Variants in MSRB3 observed in about 807,000 individuals in gnomAD.
MSRB3 encodes methionine-R-sulfoxide reductase B3.
A neutral mutation model predicts 21.0 loss-of-function variants in MSRB3; 13 were observed. The ratio of observed to expected loss-of-function variants is 0.62; its 90% CI spans 0.40 to 0.98. The LOEUF (loss-of-function observed/expected upper bound fraction) is 0.98, where lower values mean the gene tolerates loss of function less well. MSRB3 is among the 50% of genes least tolerant of loss of function. The pLI is 0.00. For synonymous variants in MSRB3, 87 were observed against 88.6 expected (o/e 0.98, Z 0.10); for missense variants, 199 against 230.3 (o/e 0.86, Z 0.88).
At chr12:65,440,456 A>C (rs1882319915) in intron 5 of MSRB3, among the ~76,000 whole-genome samples, 1 of 151,962 alleles carries the variant, frequency 6.6e-6, no homozygotes. Flanking sequence ...AAGAAAATTA[A>C]GAAGAAAACA....
chr12:65,322,345 T>C (rs943040314), intron 2 of MSRB3, among the ~76,000 whole-genome samples: 1 of 152,160 alleles, frequency 6.6e-6, no homozygotes, highest in Non-Finnish European at 1.5e-5. Context: ...GAAAAGTTGT[T>C]ACATAATTTT....
intron 5 of MSRB3, among the ~76,000 whole-genome samples, chr12:65,426,350 C>A (rs1365014689): frequency 6.6e-6 from 1 of 152,018 alleles, no homozygotes; most frequent in South Asian, 2.1e-4. Context: ...TCCCGTCCTC[C>A]CCCTGCACTT....
At chr12:65,284,783 CT>C (rs1872244061) in intron 1 of MSRB3, 1 of 152,250 alleles carries the variant, frequency 6.6e-6, no homozygotes, top group African/African-American at 2.4e-5. Flanking sequence ...TGTTCACGAG[CT>C]TTCCTTGTTG....
rs61921505 is a variant in MSRB3 at position 65,451,414 on chromosome 12, A to G, written c.293-2314A>G. 4.4e-3 allele frequency among the ~76,000 whole-genome samples: 670 copies of G among 152,242 alleles called. 4 individuals carry two copies. The highest frequency in any genetic ancestry group is 0.015 in the South Asian group (74 of 4,816). ...CTCCCTCATCCTGCTCTATTCTTCA[A>G]TATAGTTTTCTGGAAAATCCTGTGC... On this transcript the variant is annotated intron_variant, in intron 5 of 6. Coordinates refer to ENST00000308259, the MANE Select transcript of MSRB3 (RefSeq NM_001031679.3).
chr12:65,413,908 A>G (rs1880841502), intron 5 of MSRB3, among the ~76,000 whole-genome samples: 1 of 152,200 alleles, frequency 6.6e-6, no homozygotes, highest in Non-Finnish European at 1.5e-5. Context: ...TGCAGAAGAA[A>G]GGGAAGCTGA....
At chr12:65,406,369 A>G (rs1880413123) in intron 5 of MSRB3, among the ~76,000 whole-genome samples, 1 of 152,260 alleles carries the variant, frequency 6.6e-6, no homozygotes, top group East Asian at 1.9e-4. Flanking sequence ...TAAAATACTT[A>G]GGAATAAATT....
intron 6 of MSRB3, among the ~76,000 whole-genome samples, chr12:65,461,494 CAG>C (rs920604757): frequency 1.8e-4 from 27 of 152,190 alleles, no homozygotes; most frequent in African/African-American, 6.0e-4. Flanking sequence ...AATAAACTGA[CAG>C]AGTTTGCTGG....
At chr12:65,455,220 C>T (rs1883033636) in intron 6 of MSRB3, among the ~76,000 whole-genome samples, 1 of 148,962 alleles carries the variant, frequency 6.7e-6, no homozygotes, top group Non-Finnish European at 1.5e-5. Context: ...TGAACCTAAC[C>T]TTCTGATGAA....
intron 5 of MSRB3, among the ~76,000 whole-genome samples, chr12:65,393,843 T>A (rs1218056766): frequency 6.6e-6 from 1 of 152,104 alleles, no homozygotes. Context: ...TGGGTATGGA[T>A]GTGGGTACTT....
At chr12:65,403,608 A>G (rs894443305) in intron 5 of MSRB3, among the ~76,000 whole-genome samples, 3 of 151,934 alleles carry the variant, frequency 2.0e-5, no homozygotes, top group South Asian at 4.2e-4. Context: ...TTTCCAGGGG[A>G]CAGAACAGTT....
intron 5 of MSRB3, among the ~76,000 whole-genome samples, chr12:65,422,424 A>ATTTATT (rs1278669544): frequency 1.3e-5 from 1 of 75,636 alleles, no homozygotes; most frequent in Non-Finnish European, 2.7e-5. Flanking sequence ...ATATATATAT[A>ATTTATT]TATATATTTA....
At chr12:65,302,896 C>T (rs1873421532) in intron 1 of MSRB3, among the ~76,000 whole-genome samples, 1 of 152,122 alleles carries the variant, frequency 6.6e-6, no homozygotes, top group African/African-American at 2.4e-5. Flanking sequence ...AATGAAACTT[C>T]TCCCCCACAA....
chr12:65,314,421 A>T (rs1170681426), intron 2 of MSRB3, among the ~76,000 whole-genome samples: 1 of 152,142 alleles, frequency 6.6e-6, no homozygotes, highest in African/African-American at 2.4e-5. Flanking sequence ...TATATTTAAA[A>T]TGTTGATTAA....
At chr12:65,386,938 A>G (rs1015265335) in intron 5 of MSRB3, among the ~76,000 whole-genome samples, 16 of 152,054 alleles carry the variant, frequency 1.1e-4, no homozygotes, top group Non-Finnish European at 1.9e-4. Flanking sequence ...GTGAAAGGGT[A>G]GAATTATTGG....
intron 4 of MSRB3, among the ~76,000 whole-genome samples, chr12:65,362,146 T>G (rs1877745773): frequency 6.6e-6 from 1 of 152,172 alleles, no homozygotes; most frequent in South Asian, 2.1e-4. Flanking sequence ...AGGTTTGGAA[T>G]AGAAATGATA....
At chr12:65,350,647 G>T (rs1353654979) in intron 4 of MSRB3, among the ~76,000 whole-genome samples, 1 of 146,314 alleles carries the variant, frequency 6.8e-6, no homozygotes, top group Non-Finnish European at 1.5e-5. Context: ...ACAAAAAAAG[G>T]CAGGGGTTGC....
chr12:65,419,469 C>T (rs1592619394), intron 5 of MSRB3: 3 of 744,372 alleles, frequency 4.0e-6, no homozygotes, highest in East Asian at 2.5e-5. Context: ...CCTTGCAGAG[C>T]CCATAGATGT....
intron 1 of MSRB3, among the ~76,000 whole-genome samples, chr12:65,293,400 G>A (rs1030183760): frequency 6.6e-6 from 1 of 152,078 alleles, no homozygotes; most frequent in Non-Finnish European, 1.5e-5. Context: ...TGGCTTCTAA[G>A]GTTTGCACCT....
intron 5 of MSRB3, among the ~76,000 whole-genome samples, chr12:65,439,695 A>G (rs944107902): frequency 4.6e-5 from 7 of 151,710 alleles, no homozygotes; most frequent in Admixed American, 2.0e-4. Flanking sequence ...TATAGAAAAA[A>G]GATGAAAAAT....
Sources: gnomAD v4.1 joint callset for allele counts (sites outside exome capture counted in the v4.1 genomes callset) on GRCh38, gnomAD v4.1.1 for gene constraint, MANE v1.5 for transcripts, NCBI Gene and HGNC (gene_info 2026-07-23, HGNC 2026-07-21) for gene names.